WASF3: variants seen among roughly 807,000 people sequenced by gnomAD.
WASF3 encodes WASP family member 3.
A neutral mutation model predicts 46.6 loss-of-function variants in WASF3; 11 were observed. The ratio of observed to expected loss-of-function variants is 0.24; its 90% confidence interval spans 0.15 to 0.39. The LOEUF is 0.39. Ranked by LOEUF, WASF3 falls within the 10% of genes least tolerant of loss-of-function variation. The pLI, the probability that WASF3 is intolerant of heterozygous loss-of-function variation, is 1.00. For synonymous variants in WASF3, 242 were observed against 259.7 expected (o/e 0.93, Z 0.65); for missense variants, 576 against 669.8 (o/e 0.86, Z 1.55).
At chr13:26,624,176 T>C (rs1031429099) in intron 2 of WASF3, among the ~76,000 whole-genome samples, 1 of 152,190 alleles carries the variant, frequency 6.6e-6, no homozygotes, top group African/African-American at 2.4e-5. Flanking sequence ...AGAGATAACT[T>C]AGATATGGGA....
At position 26,682,586 on chromosome 13, in the gene WASF3, T is replaced by TGTGCC; in HGVS notation, c.984-20_984-16dup. On this transcript the variant is annotated intron_variant, in intron 8 of 9. Coordinates refer to ENST00000335327, the MANE Select transcript of WASF3 (RefSeq NM_006646.6). This position sits in a 1 kb window ranked among gnomAD's most constrained non-coding sequence, Gnocchi z 4.4. Reference sequence around the variant, plus strand: ...CCCTCTCTTGTTCCCTTGGTGACTATGTGCCTCATATCTCTCTCAGGATGC... The same window carrying TGTGCC: ...CCCTCTCTTGTTCCCTTGGTGACTATGTGCCGTGCCTCATATCTCTCTCAGGATGC... 6.2e-7 allele frequency: 1 copy of TGTGCC among 1,613,982 alleles called. No individual in the cohort carries two copies.
At chr13:26,637,454 C>G (rs986401986) in intron 2 of WASF3, among the ~76,000 whole-genome samples, 2 of 152,180 alleles carry the variant, frequency 1.3e-5, no homozygotes, top group African/African-American at 2.4e-5. Context: ...CACAACTGGA[C>G]CTTGGAAATG....
chr13:26,541,584 C>T, the WASF3 span, among the ~76,000 whole-genome samples: 2 of 152,142 alleles, frequency 1.3e-5, no homozygotes, highest in Non-Finnish European at 2.9e-5. Flanking sequence ...ACACACCTGG[C>T]CCTGTAACAC....
At chr13:26,647,662 T>G (rs1882189539) in intron 3 of WASF3, among the ~76,000 whole-genome samples, 1 of 152,110 alleles carries the variant, frequency 6.6e-6, no homozygotes, top group Non-Finnish European at 1.5e-5. Flanking sequence ...GCTACTTTTT[T>G]TTTCTTTGTT....
chr13:26,600,184 G>A (rs187091478), intron 1 of WASF3, among the ~76,000 whole-genome samples: 1 of 152,300 alleles, frequency 6.6e-6, no homozygotes, highest in East Asian at 1.9e-4. Flanking sequence ...GATGGATACA[G>A]GATGGCTTTA....
At chr13:26,660,925 G>A (rs1226069403) in intron 3 of WASF3, among the ~76,000 whole-genome samples, 3 of 152,016 alleles carry the variant, frequency 2.0e-5, no homozygotes, top group African/African-American at 7.3e-5. Context: ...GAAGGTGAAG[G>A]GGAGCTGTGT....
intron 1 of WASF3, among the ~76,000 whole-genome samples, chr13:26,575,053 G>A (rs1448640214): frequency 1.3e-5 from 2 of 152,066 alleles, no homozygotes; most frequent in Non-Finnish European, 2.9e-5. Flanking sequence ...AGCCAGGATG[G>A]TCTCGATCTC....
the WASF3 span, among the ~76,000 whole-genome samples, chr13:26,542,077 A>G: frequency 2.6e-5 from 4 of 151,642 alleles, no homozygotes; most frequent in African/African-American, 4.9e-5. Flanking sequence ...TGCCTTACAA[A>G]AATCCTACCG....
chr13:26,540,490 C>T, the WASF3 span, among the ~76,000 whole-genome samples: 1 of 152,288 alleles, frequency 6.6e-6, no homozygotes, highest in South Asian at 2.1e-4. Flanking sequence ...ATTCTCTGGA[C>T]TCCCTAGGGT....
At chr13:26,626,826 T>C (rs1306063638) in intron 2 of WASF3, among the ~76,000 whole-genome samples, 1 of 152,202 alleles carries the variant, frequency 6.6e-6, no homozygotes, top group East Asian at 1.9e-4. Flanking sequence ...TAATCTTAAA[T>C]ATGTGGCTAC....
intron 2 of WASF3, among the ~76,000 whole-genome samples, chr13:26,613,366 C>A (rs796618995): frequency 2.9e-4 from 44 of 152,144 alleles, no homozygotes; most frequent in African/African-American, 9.6e-4. Context: ...AGTCTTCTTA[C>A]CTCTGTTTTT....
intron 3 of WASF3, among the ~76,000 whole-genome samples, chr13:26,645,245 T>G (rs1015294070): frequency 1.3e-5 from 2 of 152,118 alleles, no homozygotes; most frequent in African/African-American, 4.8e-5. Flanking sequence ...GAGAGACACC[T>G]TGCCCCTTCT....
At chr13:26,680,853 A>T (rs1044098141) in intron 7 of WASF3, among the ~76,000 whole-genome samples, 1 of 152,106 alleles carries the variant, frequency 6.6e-6, no homozygotes, top group Non-Finnish European at 1.5e-5. Context: ...TCCATGTAAC[A>T]CTGGGGCTTG....
intron 2 of WASF3, among the ~76,000 whole-genome samples, chr13:26,622,993 G>A (rs665263): frequency 0.99 from 150,461 of 152,336 alleles, 74,328 homozygotes; most frequent in East Asian, 1. Context: ...AATCCCAAAG[G>A]GTGACAAACC....
intron 1 of WASF3, among the ~76,000 whole-genome samples, chr13:26,599,471 GCT>G (rs1290680262): frequency 6.6e-6 from 1 of 152,126 alleles, no homozygotes; most frequent in African/African-American, 2.4e-5. Flanking sequence ...TGACATAGGG[GCT>G]CTCTCAGCTC....
rs1438471578 is a variant in WASF3, at chr13:26,575,444, C to T, written c.-109+17625C>T. On this transcript the variant is annotated intron_variant, in intron 1 of 9. Coordinates refer to ENST00000335327, the MANE Select transcript of WASF3 (RefSeq NM_006646.6). ...TTAGTCATCCCTTGTTTAGATGGAG[C>T]TCAAGCCCGGATGTTCCATTGAATG... Among the ~76,000 whole-genome samples, 3 of 152,158 alleles carry T rather than the reference C, an allele frequency of 2.0e-5. No homozygotes were observed. In the East Asian group the frequency reaches 5.8e-4, roughly 29 times the overall value.
intron 1 of WASF3, among the ~76,000 whole-genome samples, chr13:26,572,404 C>A (rs1879666957): frequency 1.3e-5 from 2 of 152,120 alleles, no homozygotes; most frequent in Admixed American, 1.3e-4. Context: ...AAGTATGCGT[C>A]TACTCCTATT....
At chr13:26,661,890 G>A (rs1256194426) in intron 3 of WASF3, among the ~76,000 whole-genome samples, 1 of 152,214 alleles carries the variant, frequency 6.6e-6, no homozygotes, top group Non-Finnish European at 1.5e-5. Context: ...AGATTTGTAA[G>A]AGGAGAAATG....
intron 4 of WASF3, among the ~76,000 whole-genome samples, chr13:26,666,224 T>C (rs1358804101): frequency 1.3e-5 from 2 of 152,216 alleles, no homozygotes; most frequent in African/African-American, 2.4e-5. Flanking sequence ...AGGTAAGGAA[T>C]TCTTAACATT....
Sources: allele counts gnomAD v4.1 joint callset (sites outside exome capture counted in the v4.1 genomes callset), GRCh38; gene constraint gnomAD v4.1.1; non-coding constraint Gnocchi (gnomAD v3.1); transcripts MANE v1.5; gene names NCBI Gene and HGNC (gene_info 2026-07-23, HGNC 2026-07-21).